APBB2: variants seen among roughly 807,000 people sequenced by gnomAD.
The protein encoded by APBB2 is amyloid beta precursor protein binding family B member 2, also known as Fe65-like 1.
A neutral mutation model predicts 82.5 loss-of-function variants in APBB2; 38 were observed. That is an observed-to-expected ratio of 0.46 (90% CI 0.36 to 0.60). APBB2 has a LOEUF of 0.60. Ranked by LOEUF, APBB2 falls within the 20% of genes least tolerant of loss-of-function variation. The pLI is 0.00. For missense variants in APBB2, 772 were observed against 972.3 expected (o/e 0.79, Z 2.74); for synonymous variants, 341 against 368.2 (o/e 0.93, Z 0.85).
At chr4:40,870,342 G>C (rs945639927) in intron 12 of APBB2, among the ~76,000 whole-genome samples, 6 of 152,126 alleles carry the variant, frequency 3.9e-5, no homozygotes, top group African/African-American at 1.4e-4. Flanking sequence ...AGGGGACAGG[G>C]ACCCGTGCCA....
At chr4:41,149,480 G>A (rs1761655378) in intron 1 of APBB2, among the ~76,000 whole-genome samples, 1 of 151,790 alleles carries the variant, frequency 6.6e-6, no homozygotes, top group African/African-American at 2.4e-5. Flanking sequence ...GAGGAAAGGG[G>A]GGAGAAAGAA....
chr4:41,156,173 A>G (rs1560902167), intron 1 of APBB2, among the ~76,000 whole-genome samples: 1 of 152,152 alleles, frequency 6.6e-6, no homozygotes, highest in Non-Finnish European at 1.5e-5. Context: ...CCTCTACTAG[A>G]AAAAATGGGT....
At chr4:41,155,051 C>G (rs902328333) in intron 1 of APBB2, among the ~76,000 whole-genome samples, 3 of 152,190 alleles carry the variant, frequency 2.0e-5, no homozygotes, top group Non-Finnish European at 4.4e-5. Context: ...GTAGTTTGAA[C>G]AAAGACTTAA....
At chr4:40,881,087 G>A (rs1343218394) in intron 12 of APBB2, 2 of 985,290 alleles carry the variant, frequency 2.0e-6, no homozygotes, top group Non-Finnish European at 2.4e-6. Flanking sequence ...GGAAGGCAGA[G>A]AAGCCACTTT....
At chr4:40,945,820 G>A (rs1480708946) in intron 6 of APBB2, among the ~76,000 whole-genome samples, 2 of 152,140 alleles carry the variant, frequency 1.3e-5, no homozygotes, top group African/African-American at 4.8e-5. Context: ...ATGTTAGCCA[G>A]GATGGTCTCC....
intron 10 of APBB2, among the ~76,000 whole-genome samples, chr4:40,915,971 G>C (rs929633089): frequency 6.6e-6 from 1 of 152,188 alleles, no homozygotes; most frequent in East Asian, 1.9e-4. Context: ...TGTGAGTGAA[G>C]TCTGTCTTTA....
At chr4:40,857,130 C>G (rs1180857551) in intron 12 of APBB2, 1 of 985,364 alleles carries the variant, frequency 1.0e-6, no homozygotes. Flanking sequence ...CTCAAGCAGC[C>G]GCGCGCACTG....
chr4:41,174,998 T>C (rs1769361506), intron 1 of APBB2, among the ~76,000 whole-genome samples: 1 of 152,200 alleles, frequency 6.6e-6, no homozygotes, highest in African/African-American at 2.4e-5. Context: ...TTTTCATTCA[T>C]TATCATCCAC....
At chr4:40,907,373 A>ATTT (rs1777213129) in intron 10 of APBB2, among the ~76,000 whole-genome samples, 1 of 37,418 alleles carries the variant, frequency 2.7e-5, no homozygotes, top group African/African-American at 1.3e-4. Flanking sequence ...ATATATATAT[A>ATTT]TATATATTTT....
chr4:40,932,867 G>C (rs1434345188), intron 10 of APBB2, among the ~76,000 whole-genome samples: 1 of 151,156 alleles, frequency 6.6e-6, no homozygotes, highest in African/African-American at 2.5e-5. Flanking sequence ...AAGATGTTTT[G>C]TTTTGTTTTG....
At chr4:41,195,934 G>A in intron 1 of APBB2, among the ~76,000 whole-genome samples, 3 of 152,226 alleles carry the variant, frequency 2.0e-5, no homozygotes, top group African/African-American at 7.2e-5. Flanking sequence ...GCCAAGGCGG[G>A]CAGATCACAA....
intron 1 of APBB2, among the ~76,000 whole-genome samples, chr4:41,189,878 C>G (rs1461069622): frequency 6.6e-6 from 1 of 152,192 alleles, no homozygotes; most frequent in Non-Finnish European, 1.5e-5. Context: ...GGGAGACAGG[C>G]CTGGGGCCCA....
chr4:40,967,941 G>A (rs1795057040), intron 6 of APBB2, among the ~76,000 whole-genome samples: 1 of 152,230 alleles, frequency 6.6e-6, no homozygotes, highest in Non-Finnish European at 1.5e-5. Context: ...GGTAGGCTGA[G>A]ATGCTGGGTA....
In APBB2 at chr4:40,901,909, A is replaced by ATGTGTGTGTGTGTGTGTG. The variant is rs35766512; in HGVS notation, c.1255-8516_1255-8499dup. 7.2e-3 allele frequency among the ~76,000 whole-genome samples: 1,042 copies of ATGTGTGTGTGTGTGTGTG among 145,504 alleles called. 12 individuals are homozygous for ATGTGTGTGTGTGTGTGTG. Among genetic ancestry groups the ATGTGTGTGTGTGTGTGTG allele is most frequent in the African/African-American group, 0.025 (983 of 39,252 alleles). Reference sequence around the variant, plus strand: ...ACACCCTGAAAATATATCCAAAATTATGTGTGTGTGTGTGTGTGTGTGTGT... The same window carrying ATGTGTGTGTGTGTGTGTG: ...ACACCCTGAAAATATATCCAAAATTATGTGTGTGTGTGTGTGTGTGTGTGTGTGTGTGTGTGTGTGTGT... On this transcript the variant is annotated intron_variant, in intron 10 of 17. Transcript: ENST00000508593.
rs1217151026 is a variant in APBB2, at chr4:40,813,488, C to G, written c.*2604G>C. On this transcript the variant is annotated 3_prime_UTR_variant, in exon 18 of 18. Coordinates refer to ENST00000508593, the MANE Select transcript of APBB2 (RefSeq NM_004307.2). ...TTACAAACAAATACACACATACTTT[C>G]ATACATACTTTTTGGCCATGGCAGA... 2 of 152,192 alleles carry G rather than the reference C, an allele frequency of 1.3e-5. No homozygotes were observed. Among genetic ancestry groups the G allele is most frequent in the Admixed American group, 1.3e-4 (2 of 15,274 alleles). The allele number at this position is 152,192 out of a possible 1,614,324, so 9.4% of individuals were successfully genotyped here.
At chr4:40,890,021 A>G (rs905397107) in intron 12 of APBB2, among the ~76,000 whole-genome samples, 2 of 152,164 alleles carry the variant, frequency 1.3e-5, no homozygotes, top group Non-Finnish European at 2.9e-5. Flanking sequence ...ATGAAATGGA[A>G]TTCATTTTAA....
chr4:40,827,553 G>A (rs1750366045), intron 13 of APBB2, among the ~76,000 whole-genome samples: 1 of 152,116 alleles, frequency 6.6e-6, no homozygotes, highest in African/African-American at 2.4e-5. Context: ...GGCCCACAGT[G>A]GCCAGCGGCA....
chr4:40,839,215 C>A (rs1373070493), intron 12 of APBB2, among the ~76,000 whole-genome samples: 1 of 151,830 alleles, frequency 6.6e-6, no homozygotes, highest in Admixed American at 6.6e-5. Context: ...GTAGCTGGGA[C>A]TACAGGCATG....
intron 12 of APBB2, among the ~76,000 whole-genome samples, chr4:40,861,363 T>A (rs9654072): frequency 2.8e-4 from 42 of 149,514 alleles, no homozygotes; most frequent in Middle Eastern, 3.8e-3. Flanking sequence ...AAAAAAAAAT[T>A]TTTTTTTTTA....
Sources: gnomAD v4.1 joint callset for allele counts (sites outside exome capture counted in the v4.1 genomes callset) on GRCh38, gnomAD v4.1.1 for gene constraint, MANE v1.5 for transcripts, NCBI Gene and HGNC (gene_info 2026-07-23, HGNC 2026-07-21) for gene names.